Variants in DEAF1 observed in about 807,000 individuals in gnomAD.
DEAF1 encodes deformed epidermal autoregulatory factor 1 homolog.
Under a neutral mutation model 58.9 loss-of-function variants are expected in DEAF1, and 53 were observed. That is an observed-to-expected ratio of 0.90 (90% CI 0.72 to 1.13). DEAF1 has a LOEUF of 1.13. Ranked by LOEUF, DEAF1 falls within the 50% of genes most tolerant of loss-of-function variation. DEAF1 has a pLI of 0.00. For missense variants in DEAF1, 685 were observed against 791.4 expected, an observed-to-expected ratio of 0.87 and a Z score of 1.61; for synonymous variants, 385 against 340.4, an observed-to-expected ratio of 1.13 and a Z score of -1.44.
chr11:656,158 CTTT>C (rs1554936925), intron 10 of DEAF1, among the ~76,000 whole-genome samples: 47 of 124,268 alleles, frequency 3.8e-4, no homozygotes, highest in African/African-American at 7.5e-4. Context: ...AAATGACAAA[CTTT>C]TTTTTTTTTT....
chr11:691,912 T>G (rs948261593), intron 1 of DEAF1, among the ~76,000 whole-genome samples: 4 of 152,070 alleles, frequency 2.6e-5, no homozygotes, highest in Non-Finnish European at 2.9e-5. Flanking sequence ...GGGGCTTCTA[T>G]CTCCTTCTGC....
At chr11:704,608 C>A (rs1343534765) in intron 1 of DEAF1, 7 of 1,289,186 alleles carry the variant, frequency 5.4e-6, no homozygotes, top group Non-Finnish European at 7.1e-6. Flanking sequence ...GGGAAGGACC[C>A]CCTCCCTGAA....
chr11:658,805 G>A (rs1164173415), intron 10 of DEAF1, among the ~76,000 whole-genome samples: 1 of 152,236 alleles, frequency 6.6e-6, no homozygotes, highest in Non-Finnish European at 1.5e-5. Flanking sequence ...CTGCTGCAGG[G>A]GCCCCCCATC....
At chr11:674,448 G>A in intron 10 of DEAF1, 88 bp downstream of exon 10, 2 of 1,587,030 alleles carry the variant, frequency 1.3e-6, no homozygotes, top group Non-Finnish European at 1.7e-6. Flanking sequence ...TGTGAGCCAA[G>A]GTGGGGCTTG....
intron 6 of DEAF1, among the ~76,000 whole-genome samples, chr11:682,005 T>G (rs1860397108): frequency 6.6e-6 from 1 of 152,226 alleles, no homozygotes; most frequent in Admixed American, 6.5e-5. Context: ...AAAGCAGTTC[T>G]CCTTTCTCTG....
chr11:654,165 C>CTTTTT (rs369963488), intron 10 of DEAF1, 114 bp from the exon 11 acceptor site: 33 of 411,912 alleles, frequency 8.0e-5, no homozygotes, highest in South Asian at 1.7e-4. Context: ...ATTGGACCCC[C>CTTTTT]TTTTTTTTTT....
At chr11:650,484 AT>A (rs1054277741) in intron 11 of DEAF1, among the ~76,000 whole-genome samples, 2 of 151,988 alleles carry the variant, frequency 1.3e-5, no homozygotes, top group African/African-American at 4.8e-5. Context: ...AGGACACAAA[AT>A]TAGAAGTAAC....
chr11:671,410 C>T (rs941551023), intron 10 of DEAF1, among the ~76,000 whole-genome samples: 9 of 151,466 alleles, frequency 5.9e-5, no homozygotes, highest in Admixed American at 1.3e-4. Flanking sequence ...TTTGTAGAGA[C>T]GGGGTTTCAC....
At chr11:684,199 CAT>C in intron 6 of DEAF1, among the ~76,000 whole-genome samples, 1 of 150,696 alleles carries the variant, frequency 6.6e-6, no homozygotes, top group Admixed American at 6.6e-5. Flanking sequence ...GGGCGGATCA[CAT>C]GTGGTCAGGA....
At chr11:700,203 T>G (rs1861380615), upstream of DEAF1, 3 of 1,614,106 alleles carry the variant, frequency 1.9e-6, no homozygotes, top group Admixed American at 3.3e-5. Context: ...GCCCTGTATT[T>G]CCTCGCCACG....
chr11:704,853 C>T (rs1456709750), intron 1 of DEAF1: 4 of 365,940 alleles, frequency 1.1e-5, no homozygotes, highest in Non-Finnish European at 2.1e-5. Flanking sequence ...CAGCTGTCCT[C>T]TCCAGCGCCT....
upstream of DEAF1, chr11:695,869 C>T: frequency 1.6e-6 from 2 of 1,225,726 alleles, no homozygotes; most frequent in Non-Finnish European, 2.0e-6. Context: ...GGGGTGGGGG[C>T]TTCCGGGCTT....
At chr11:704,832 A>G in intron 1 of DEAF1, 1 of 377,334 alleles carries the variant, frequency 2.7e-6, no homozygotes, top group South Asian at 2.1e-5. Flanking sequence ...GTGGAGAGGG[A>G]CCCCACCCCC....
intron 10 of DEAF1, among the ~76,000 whole-genome samples, chr11:666,741 T>G (rs867845013): frequency 6.6e-6 from 1 of 151,306 alleles, no homozygotes; most frequent in African/African-American, 2.4e-5. Flanking sequence ...TAGCCAGGTG[T>G]GGTGGTGCAC....
chr11:679,590 C>A, intron 8 of DEAF1, 98 bp downstream of exon 8: 1 of 1,575,646 alleles, frequency 6.3e-7, no homozygotes, highest in Non-Finnish European at 8.6e-7. Context: ...CCTCTCGAGG[C>A]ACCCAGCAGC....
intron 10 of DEAF1, among the ~76,000 whole-genome samples, chr11:669,291 G>A (rs1225171224): frequency 1.3e-5 from 2 of 152,076 alleles, no homozygotes; most frequent in Admixed American, 1.3e-4. Flanking sequence ...TGAAATCAGA[G>A]TATATTTTCT....
Position 686,998 on chromosome 11 carries a change from C to G in DEAF1, c.665-1G>C. 1 of 1,614,086 alleles carries G rather than the reference C, an allele frequency of 6.2e-7. No individual in the cohort carries two copies. The highest frequency in any genetic ancestry group is 8.5e-7 in the Non-Finnish European group (1 of 1,180,046). ...TGCTTGATGCACCGTCCCCGGCCGC[C>G]TGCAAGGAAGGGCAGCAGTCATGAT... is the stretch of plus-strand genomic sequence containing the variant. On this transcript the variant is annotated splice_acceptor_variant, in intron 4 of 11. Coordinates refer to ENST00000382409, the MANE Select transcript of DEAF1 (RefSeq NM_021008.4). LOFTEE classifies it high-confidence loss of function.
chr11:670,931 G>GTTTTTTTTTTTT (rs558436376), intron 10 of DEAF1, among the ~76,000 whole-genome samples: 2 of 91,382 alleles, frequency 2.2e-5, no homozygotes, highest in Non-Finnish European at 3.9e-5. Context: ...CCTGGCTAAT[G>GTTTTTTTTTTTT]TTTTTTTTTT....
chr11:664,204 ACT>A (rs1470526796), intron 10 of DEAF1, among the ~76,000 whole-genome samples: 1 of 151,838 alleles, frequency 6.6e-6, no homozygotes, highest in Non-Finnish European at 1.5e-5. Context: ...CAAGAGCGAA[ACT>A]CTGTCTCAAG....
Sources: allele counts gnomAD v4.1 joint callset (sites outside exome capture counted in the v4.1 genomes callset), GRCh38; gene constraint gnomAD v4.1.1; transcripts MANE v1.5; gene names NCBI Gene and HGNC (gene_info 2026-07-23, HGNC 2026-07-21).